The following TACC3 variants were observed in gnomAD, a reference collection of about 807,000 sequenced individuals.
TACC3 encodes the protein transforming acidic coiled-coil containing protein 3.
In TACC3, 52 loss-of-function variants were observed where a neutral mutation model predicts 86.0. That is an observed-to-expected ratio of 0.60 (90% CI 0.48 to 0.76). TACC3 has a LOEUF of 0.76. Among genes scored for constraint, TACC3 ranks in the 30% least tolerant of loss-of-function variants. TACC3 has a pLI of 0.00. For missense variants in TACC3, 1,120 were observed against 1,070.4 expected (o/e 1.05, Z -0.65); for synonymous variants, 512 against 430.0 (o/e 1.19, Z -2.36).
intron 13 of TACC3, among the ~76,000 whole-genome samples, chr4:1,742,292 C>T (rs375989895): frequency 3.3e-5 from 5 of 152,320 alleles, no homozygotes; most frequent in East Asian, 1.9e-4. Flanking sequence ...ACTCTTCACA[C>T]GGTGCTGCTG....
Position 1,724,214 on chromosome 4 carries a change from C to T in TACC3, c.305+344C>T, listed in dbSNP as rs115620573. The stretch of plus-strand genomic sequence containing the variant: ...TTGATCTCCTCCTGACCTCATGATG[C>T]GCCCGCCTTGGCCTCACAAAGTGCT... On this transcript the variant is annotated intron_variant, in intron 3 of 15. Coordinates refer to ENST00000313288, the MANE Select transcript of TACC3 (RefSeq NM_006342.3). Among the ~76,000 whole-genome samples the T allele has an allele frequency of 7.4e-3, 1,119 of 151,696 alleles. 13 individuals are homozygous for T. Among genetic ancestry groups the T allele is most frequent in the African/African-American group, 0.024 (1,006 of 41,332 alleles).
chr4:1,720,798 C>A (rs776709848), upstream of TACC3: 1 of 1,595,674 alleles, frequency 6.3e-7, no homozygotes, highest in South Asian at 1.1e-5. This position sits in a 1 kb window ranked among gnomAD's most constrained non-coding sequence, Gnocchi z 4.4. Context: ...ACGGCGAACA[C>A]CAGATAGGCG....
chr4:1,720,894 C>A, upstream of TACC3: 1 of 1,511,340 alleles, frequency 6.6e-7, no homozygotes, highest in Non-Finnish European at 8.9e-7. The surrounding 1 kb of genome is among the most constrained non-coding windows in gnomAD (Gnocchi z 4.4). Context: ...GCGGACGAGG[C>A]CGCAGCGCCC....
In TACC3 at chr4:1,740,971, C is replaced by A. The variant is rs756707064; in HGVS notation, c.2208C>A (p.Ile736=). ...FKRFEKQKEV[I]EGYRKNEESL... Reference sequence around the variant, plus strand: ...GTTTTGAGAAACAGAAAGAGGTGATCGAGGGCTACCGCAAGGTATGTCTCC... The same window carrying A: ...GTTTTGAGAAACAGAAAGAGGTGATAGAGGGCTACCGCAAGGTATGTCTCC... The change falls in exon 13 of 16, where the codon ATC becomes ATA. Residue 736 remains isoleucine (I), a synonymous_variant. Coordinates refer to ENST00000313288, the MANE Select transcript of TACC3 (RefSeq NM_006342.3). 2 of 1,607,172 alleles carry A rather than the reference C, an allele frequency of 1.2e-6. No homozygotes were observed. The highest frequency in any genetic ancestry group is 1.3e-5 in the African/African-American group (1 of 74,380).
chr4:1,733,165 C>T (rs56199839), intron 6 of TACC3, among the ~76,000 whole-genome samples: 32,629 of 151,992 alleles, frequency 0.21, 3,779 homozygotes, highest in Non-Finnish European at 0.26. Flanking sequence ...ATTTGCAGTT[C>T]CCAGGTGGCT....
At position 1,728,304 on chromosome 4, in the gene TACC3, G is replaced by A. The variant is rs1379708149; in HGVS notation, c.902G>A (p.Ser301Asn). 6.2e-7 allele frequency: 1 copy of A among 1,612,890 alleles called. No homozygotes were observed. Among genetic ancestry groups the A allele is most frequent in the Admixed American group, 1.7e-5 (1 of 60,026 alleles). Residue 301 changes from serine to asparagine, a missense_variant, in exon 4 of 16, where the codon AGC becomes AAC. Ser to Asn is a conservative substitution (Grantham distance 46). Transcript: ENST00000313288. ...TGTGCACACACCTCTGCTCCTGAGAGCACAGCCCCAACCAACCACCTGGTG... is the reference window on the plus strand; with the variant it reads ...TGTGCACACACCTCTGCTCCTGAGAACACAGCCCCAACCAACCACCTGGTG... ...LTCAHTSAPESTAPTNHLVAG... is the reference protein window; with the variant it reads ...LTCAHTSAPENTAPTNHLVAG...
intron 8 of TACC3, among the ~76,000 whole-genome samples, chr4:1,737,025 A>G (rs568570025): frequency 1.3e-5 from 2 of 152,330 alleles, no homozygotes; most frequent in Non-Finnish European, 2.9e-5. Flanking sequence ...CGGAAGGACA[A>G]GCAGCCACGT....
chr4:1,731,339 C>T lies in TACC3; in HGVS notation c.1591+38C>T, dbSNP rs138217010. On this transcript the variant is annotated intron_variant, in intron 6 of 15. Transcript: ENST00000313288. ...GCACAGACGTCACACACAGTCTGCC[C>T]GGAGGGGATCCCGTGAGCACTTGGG... 1.5e-3 allele frequency: 2,440 copies of T among 1,600,194 alleles called. 4 individuals are homozygous for T. Among genetic ancestry groups the T allele is most frequent in the Non-Finnish European group, 1.7e-3 (1,976 of 1,170,530 alleles).
At chr4:1,722,261 C>T (rs1210328382) in intron 1 of TACC3, among the ~76,000 whole-genome samples, 1 of 152,220 alleles carries the variant, frequency 6.6e-6, no homozygotes, top group Non-Finnish European at 1.5e-5. Flanking sequence ...CTCCCGAGCT[C>T]CTCCAGGCCG....
chr4:1,734,959 G>A (rs534547755), intron 6 of TACC3, among the ~76,000 whole-genome samples: 35 of 152,360 alleles, frequency 2.3e-4, no homozygotes, highest in African/African-American at 8.2e-4. Context: ...CTTGTCTAGG[G>A]TAATTTTAAA....
chr4:1,744,330 C>T (rs1011753400), intron 13 of TACC3, 188 bp from the exon 14 acceptor site: 1 of 603,448 alleles, frequency 1.7e-6, no homozygotes, highest in Non-Finnish European at 2.9e-6. Context: ...CCAGGGCTGT[C>T]CTGAACCTCC....
At position 1,724,379 on chromosome 4, in the gene TACC3, CTTTTTTTTTTTT is replaced by C. The variant is rs35896374; in HGVS notation, c.305+524_305+535del. 1.3e-4 allele frequency among the ~76,000 whole-genome samples: 14 copies of C among 108,384 alleles called. 2 individuals are homozygous for C. The Admixed American group carries it at 1.3e-3, about 10-fold the overall frequency. 71.1% of individuals were successfully genotyped at this position (108,384 alleles called of 152,430 possible). ...GATACTTGGATAACTTCATACTTCACTTTTTTTTTTTTTTTTTTTTTTTTTTCTGGAGACAGA... is the reference window on the plus strand; with the variant it reads ...GATACTTGGATAACTTCATACTTCACTTTTTTTTTTTTTTCTGGAGACAGA... On this transcript the variant is annotated intron_variant, in intron 3 of 15. Coordinates refer to ENST00000313288, the MANE Select transcript of TACC3 (RefSeq NM_006342.3).
At chr4:1,727,357 C>T (rs1023943767) in intron 3 of TACC3, among the ~76,000 whole-genome samples, 1 of 152,154 alleles carries the variant, frequency 6.6e-6, no homozygotes, top group African/African-American at 2.4e-5. Context: ...GCAGAGGCTG[C>T]TGGAGGAGTC....
Position 1,740,893 on chromosome 4 carries a change from A to C in TACC3, c.2130A>C (p.Gln710His), listed in dbSNP as rs375330820. ...EIQKVLKEKD[Q>H]LTTDLNSMEK... is the part of the protein sequence containing the mutation. ...AGAAAGTTCTAAAAGAAAAAGACCA[A>C]CTTACCACAGATCTGAACTCCATGG... The change falls in exon 13 of 16, where the codon CAA (glutamine) becomes CAC (histidine). Residue 710 changes from glutamine (Q) to histidine (H), a missense_variant. Gln to His is a conservative substitution (Grantham distance 24). Coordinates refer to ENST00000313288, the MANE Select transcript of TACC3 (RefSeq NM_006342.3). 3.7e-6 allele frequency: 6 copies of C among 1,613,166 alleles called. No homozygotes were observed. The African/African-American group carries it at 4.0e-5, about 11-fold the overall frequency.
In TACC3 at chr4:1,745,002, G is replaced by A; in HGVS notation, c.2506G>A (p.Glu836Lys). 6.2e-7 allele frequency: 1 copy of A among 1,608,480 alleles called. No homozygotes were observed. Among genetic ancestry groups the A allele is most frequent in the Non-Finnish European group, 8.5e-7 (1 of 1,178,068 alleles). The change falls in exon 16 of 16, where the codon GAG (glutamate) becomes AAG (lysine). Residue 836 changes from glutamate to lysine, a missense_variant. Coordinates refer to ENST00000313288, the MANE Select transcript of TACC3 (RefSeq NM_006342.3). ...CTGCGACGACCTCATCTCCAAGATG[G>A]AGAAGATCTGACCTCCACGGAGCCG... Reference protein sequence around the residue: ...RICDDLISKMEKI With the variant: ...RICDDLISKMKKI
intron 3 of TACC3, among the ~76,000 whole-genome samples, chr4:1,725,595 T>C (rs1326534505): frequency 6.6e-6 from 1 of 152,188 alleles, no homozygotes; most frequent in East Asian, 1.9e-4. Flanking sequence ...ACAGATCCCC[T>C]GCCTCTCCCC....
intron 13 of TACC3, among the ~76,000 whole-genome samples, chr4:1,743,241 C>T (rs1181341585): frequency 2.7e-5 from 3 of 112,182 alleles, no homozygotes; most frequent in South Asian, 5.7e-4. Context: ...GGCGATAGAG[C>T]GAGACTCCGT....
intron 13 of TACC3, among the ~76,000 whole-genome samples, chr4:1,742,694 G>A (rs1376303884): frequency 6.6e-6 from 1 of 152,092 alleles, no homozygotes; most frequent in Non-Finnish European, 1.5e-5. Context: ...AGCTACTCAG[G>A]AGGCTGAGGT....
Position 1,739,981 on chromosome 4 carries a change from G to A in TACC3, c.2041G>A (p.Glu681Lys), listed in dbSNP as rs1718498787. Residue 681 changes from glutamate to lysine, a missense_variant, in exon 12 of 16, where the codon GAG becomes AAG. Glu to Lys is a moderately conservative substitution (Grantham distance 56). Coordinates refer to ENST00000313288, the MANE Select transcript of TACC3 (RefSeq NM_006342.3). ...ELGKIMDRFE[E>K]VVYQAMEEVQ... ...CAGGAAGATCATGGACAGGTTCGAA[G>A]AGGTTGTGTACCAGGCCATGGGTGA... 6.2e-7 allele frequency: 1 copy of A among 1,613,010 alleles called. No individual in the cohort carries two copies. Among genetic ancestry groups the A allele is most frequent in the Non-Finnish European group, 8.5e-7 (1 of 1,180,022 alleles).
Sources: allele counts gnomAD v4.1 joint callset (sites outside exome capture counted in the v4.1 genomes callset), GRCh38; gene constraint gnomAD v4.1.1; non-coding constraint Gnocchi (gnomAD v3.1); transcripts MANE v1.5; gene names NCBI Gene and HGNC (gene_info 2026-07-23, HGNC 2026-07-21).